TEAD4: variants seen among roughly 807,000 people sequenced by gnomAD.
The protein encoded by TEAD4 is transcriptional enhancer factor TEF-3.
A neutral mutation model predicts 52.4 loss-of-function variants in TEAD4; 36 were observed. The ratio of observed to expected loss-of-function variants is 0.69; its 90% CI spans 0.53 to 0.91. The LOEUF is 0.91. TEAD4 is among the 40% of genes least tolerant of loss of function. The pLI is 0.00. For missense variants in TEAD4, 508 were observed against 583.9 expected (o/e 0.87, Z 1.34); for synonymous variants, 220 against 231.0 (o/e 0.95, Z 0.43).
intron 10 of TEAD4, among the ~76,000 whole-genome samples, chr12:3,033,274 G>C (rs999082687): frequency 6.6e-6 from 1 of 152,214 alleles, no homozygotes; most frequent in Admixed American, 6.5e-5. Flanking sequence ...TTTCCAGCTA[G>C]AAGTGGCATC....
chr12:3,000,644 T>A (rs1773524004), intron 3 of TEAD4, among the ~76,000 whole-genome samples: 2 of 152,300 alleles, frequency 1.3e-5, no homozygotes, highest in South Asian at 4.1e-4. Context: ...AGGGGACTAA[T>A]ATTCAAACCA....
chr12:3,036,043 G>A (rs1051899357), intron 10 of TEAD4, among the ~76,000 whole-genome samples: 1 of 152,062 alleles, frequency 6.6e-6, no homozygotes, highest in African/African-American at 2.4e-5. Context: ...AGACAGAGTG[G>A]GGAGACTGAG....
At chr12:3,040,299 G>A in intron 12 of TEAD4, 40 bp downstream of exon 12, 8 of 1,614,000 alleles carry the variant, frequency 5.0e-6, no homozygotes, top group Admixed American at 1.7e-5. Flanking sequence ...GAGTCTGTGT[G>A]TGGGTAGCAG....
intron 11 of TEAD4, among the ~76,000 whole-genome samples, chr12:3,039,540 C>G (rs932283767): frequency 6.6e-6 from 1 of 152,156 alleles, no homozygotes; most frequent in Admixed American, 6.5e-5. Context: ...GTGTGCCCCT[C>G]ATGGTGTCCT....
intron 10 of TEAD4, among the ~76,000 whole-genome samples, chr12:3,033,679 C>T (rs562485235): frequency 1.2e-4 from 19 of 152,334 alleles, no homozygotes; most frequent in Admixed American, 9.1e-4. Flanking sequence ...GTCAGTCACC[C>T]GATCCCCCAC....
intron 2 of TEAD4, among the ~76,000 whole-genome samples, chr12:2,962,259 GT>G (rs1279605811): frequency 7.6e-4 from 107 of 140,314 alleles, no homozygotes; most frequent in African/African-American, 2.6e-3. Context: ...CGGCCGGCTA[GT>G]TTCATATATA....
At chr12:3,012,359 C>G in intron 5 of TEAD4, 127 bp downstream of exon 5, 1 of 1,004,428 alleles carries the variant, frequency 1.0e-6, no homozygotes, top group South Asian at 1.6e-5. Context: ...TTGAGGAGAG[C>G]CAGGTTGGGC....
intron 3 of TEAD4, among the ~76,000 whole-genome samples, chr12:2,999,233 C>T (rs1041607008): frequency 6.6e-6 from 1 of 152,104 alleles, no homozygotes; most frequent in Admixed American, 6.5e-5. Flanking sequence ...CCTCTGTGTA[C>T]CCCAGCCCCA....
intron 2 of TEAD4, chr12:2,960,421 A>G (rs952953283): frequency 3.2e-6 from 3 of 943,540 alleles, no homozygotes; most frequent in African/African-American, 3.5e-5. Context: ...AAAAGGTCCT[A>G]CACCTCAGGG....
intron 8 of TEAD4, among the ~76,000 whole-genome samples, chr12:3,020,002 T>C (rs2153957352): frequency 6.6e-6 from 1 of 152,274 alleles, no homozygotes; most frequent in African/African-American, 2.4e-5. Context: ...CCGTCTCACC[T>C]CCTCTCGTCA....
intron 2 of TEAD4, among the ~76,000 whole-genome samples, chr12:2,970,978 C>T (rs1162047771): frequency 6.6e-6 from 1 of 152,250 alleles, no homozygotes; most frequent in African/African-American, 2.4e-5. Context: ...CCTCAGGGCA[C>T]TGCCAGCCCA....
rs543249810 is a variant in TEAD4, at chr12:3,034,827, C to T, written c.898-3141C>T. ...AATAGTTATAGGCCAGACGCGGTGGCTCACGCCTATAATCCCAACACTTTG... is the reference window on the plus strand; with the variant it reads ...AATAGTTATAGGCCAGACGCGGTGGTTCACGCCTATAATCCCAACACTTTG... On this transcript the variant is annotated intron_variant, in intron 10 of 12. Transcript: ENST00000359864. Among the ~76,000 whole-genome samples the T allele has an allele frequency of 3.6e-4, 55 of 152,256 alleles. No individual in the cohort carries two copies. The South Asian group carries it at 4.4e-3, about 12-fold the overall frequency.
chr12:2,979,456 C>T (rs931707963), intron 2 of TEAD4, among the ~76,000 whole-genome samples: 3 of 152,224 alleles, frequency 2.0e-5, no homozygotes, highest in African/African-American at 4.8e-5. Context: ...GAACAAGACA[C>T]CTGCAGGAGA....
intron 10 of TEAD4, among the ~76,000 whole-genome samples, chr12:3,036,274 T>G (rs2098279386): frequency 6.6e-6 from 1 of 152,152 alleles, no homozygotes; most frequent in Non-Finnish European, 1.5e-5. Context: ...GCTTTCCCAC[T>G]CAGTGTGTTT....
chr12:2,994,084 A>G lies in TEAD4; in HGVS notation c.-29-654A>G, dbSNP rs1021970326. Among the ~76,000 whole-genome samples, 1 of 152,070 alleles carries G rather than the reference A, an allele frequency of 6.6e-6. No homozygotes were observed. Among genetic ancestry groups the G allele is most frequent in the Non-Finnish European group, 1.5e-5 (1 of 68,014 alleles). On this transcript the variant is annotated intron_variant, in intron 2 of 12. Coordinates refer to ENST00000359864, the MANE Select transcript of TEAD4 (RefSeq NM_003213.4). The surrounding 1 kb of genome is among the most constrained non-coding windows in gnomAD (Gnocchi z 4.7). ...TTTCAGTTTGTTTGGGTATATACCC[A>G]GGTATTGGGTCATATGGTCTTGCTC...
Position 3,019,551 on chromosome 12 carries a change from C to A in TEAD4, c.583+381C>A, listed in dbSNP as rs1353998144. 5.3e-5 allele frequency among the ~76,000 whole-genome samples: 8 copies of A among 152,218 alleles called. No homozygotes were observed. The South Asian group carries it at 1.4e-3, about 28-fold the overall frequency. On this transcript the variant is annotated intron_variant, in intron 8 of 12. Coordinates refer to ENST00000359864, the MANE Select transcript of TEAD4 (RefSeq NM_003213.4). ...GCCGAGGGGTGTCTAGCTCACCAGC[C>A]TGGAGCCCCTCCCGAGAAGAGGGAC...
intron 10 of TEAD4, among the ~76,000 whole-genome samples, chr12:3,032,073 T>C (rs2098275939): frequency 1.3e-5 from 2 of 152,178 alleles, no homozygotes; most frequent in Admixed American, 1.3e-4. Context: ...TTCTTGGGCG[T>C]TCTCGACCTC....
rs1215937014 is a variant in TEAD4, at chr12:3,010,943, C to T, written c.227-61C>T. The T allele has an allele frequency of 1.9e-6, 3 of 1,594,690 alleles. No individual in the cohort carries two copies. The Admixed American group carries it at 5.0e-5, about 27-fold the overall frequency. Reference sequence around the variant, plus strand: ...TCCTCCGCAGAAGGTACCCCGCACCCCCTCACTGCTTCCAGCCTTTTGTCC... The same window carrying T: ...TCCTCCGCAGAAGGTACCCCGCACCTCCTCACTGCTTCCAGCCTTTTGTCC... On this transcript the variant is annotated intron_variant, in intron 3 of 12. Transcript: ENST00000359864.
At chr12:3,001,492 C>T (rs1217913337) in intron 3 of TEAD4, among the ~76,000 whole-genome samples, 1 of 152,238 alleles carries the variant, frequency 6.6e-6, no homozygotes, top group African/African-American at 2.4e-5. Context: ...TGGAATCAAG[C>T]CAGCCGCGGT....
Sources: gnomAD v4.1 joint callset for allele counts (sites outside exome capture counted in the v4.1 genomes callset) on GRCh38, gnomAD v4.1.1 for gene constraint, Gnocchi (gnomAD v3.1) non-coding constraint, MANE v1.5 for transcripts, NCBI Gene and HGNC (gene_info 2026-07-23, HGNC 2026-07-21) for gene names.